Variants in CFAP161 observed in about 807,000 individuals in gnomAD.
CFAP161 encodes cilia- and flagella-associated protein 161.
Under a neutral mutation model 29.0 loss-of-function variants are expected in CFAP161, and 25 were observed. The observed-to-expected ratio is 0.86, with a 90% CI of 0.63 to 1.20. CFAP161 has a LOEUF of 1.20. Ranked by LOEUF, CFAP161 falls within the 50% of genes most tolerant of loss-of-function variation. CFAP161 has a pLI of 0.00. For missense variants in CFAP161, 367 were observed against 371.9 expected, an observed-to-expected ratio of 0.99 and a Z score of 0.11; for synonymous variants, 116 against 137.4, an observed-to-expected ratio of 0.84 and a Z score of 1.09.
rs745839156 is a variant in CFAP161 at position 81,136,693 on chromosome 15, C to G, written c.337C>G (p.Leu113Val). 1 of 1,614,062 alleles carries G rather than the reference C, an allele frequency of 6.2e-7. No individual in the cohort carries two copies. Among genetic ancestry groups the G allele is most frequent in the Non-Finnish European group, 8.5e-7 (1 of 1,180,014 alleles). ...AGACGAATTAGAGGTACCCTGTGGCCTGAGCGCAGTTCAAGCCAAGACCCC... is the reference window on the plus strand; with the variant it reads ...AGACGAATTAGAGGTACCCTGTGGCGTGAGCGCAGTTCAAGCCAAGACCCC... ...LKDELEVPCG[L>V]SAVQAKTPIG... Residue 113 changes from leucine (L) to valine (V), a missense_variant, in exon 3 of 7, where the codon CTG becomes GTG. Leu to Val is a conservative substitution (Grantham distance 32, BLOSUM62 1). Coordinates refer to ENST00000286732, the MANE Select transcript of CFAP161 (RefSeq NM_173528.4).
chr15:81,144,322 C>T (rs1426960034), intron 5 of CFAP161, among the ~76,000 whole-genome samples: 3 of 152,200 alleles, frequency 2.0e-5, no homozygotes, highest in Non-Finnish European at 4.4e-5. Context: ...AGCCCAGGTG[C>T]GGTGGCTCAC....
intron 1 of CFAP161, among the ~76,000 whole-genome samples, chr15:81,126,407 A>G (rs1266345172): frequency 6.6e-6 from 1 of 152,096 alleles, no homozygotes; most frequent in Non-Finnish European, 1.5e-5. Flanking sequence ...TTTATCTAGG[A>G]TTGGCTGAAT....
chr15:81,124,091 G>A (rs887165698), intron 1 of CFAP161, among the ~76,000 whole-genome samples: 3 of 152,304 alleles, frequency 2.0e-5, no homozygotes, highest in Admixed American at 1.3e-4. Context: ...TAGCAGTGGT[G>A]AGAGAGGATA....
chr15:81,137,574 G>GT (rs1894833567), intron 3 of CFAP161, among the ~76,000 whole-genome samples: 1 of 151,586 alleles, frequency 6.6e-6, no homozygotes, highest in Non-Finnish European at 1.5e-5. Flanking sequence ...CCAGCCTGGG[G>GT]GAAAAAAAAG....
intron 1 of CFAP161, among the ~76,000 whole-genome samples, chr15:81,126,305 GTT>G (rs1000593782): frequency 6.6e-6 from 1 of 152,150 alleles, no homozygotes; most frequent in Non-Finnish European, 1.5e-5. Context: ...GGGTAAAGCA[GTT>G]TCCATGTCAG....
chr15:81,118,108 C>T, intron 1 of CFAP161: 3 of 528,304 alleles, frequency 5.7e-6, no homozygotes, highest in Admixed American at 2.8e-5. Context: ...TTTTTTTCCA[C>T]TTAAGTTTAA....
upstream of CFAP161, among the ~76,000 whole-genome samples, chr15:81,133,156 A>G (rs1894734327): frequency 7.5e-6 from 1 of 133,534 alleles, no homozygotes; most frequent in African/African-American, 2.8e-5. Context: ...GGATCCTTCA[A>G]CTCCATGGCC....
intron 1 of CFAP161, among the ~76,000 whole-genome samples, chr15:81,119,047 TATGAAC>T (rs1192688162): frequency 6.6e-6 from 1 of 152,246 alleles, no homozygotes; most frequent in Non-Finnish European, 1.5e-5. Context: ...TTAGCAGTTT[TATGAAC>T]CCATTGGTTT....
At chr15:81,114,865 A>G (rs1017276406) in intron 1 of CFAP161, among the ~76,000 whole-genome samples, 4 of 152,074 alleles carry the variant, frequency 2.6e-5, no homozygotes, top group Non-Finnish European at 4.4e-5. Context: ...GGGTTTCACC[A>G]TGTTGGTCAG....
At chr15:81,143,629 T>C (rs1894952404) in intron 4 of CFAP161, 33 bp from the exon 5 acceptor site, 1 of 1,593,492 alleles carries the variant, frequency 6.3e-7, no homozygotes, top group African/African-American at 1.3e-5. Flanking sequence ...CACAGAGCTC[T>C]GACTTAGTGC....
chr15:81,107,843 A>C (rs1894392546), intron 1 of CFAP161, among the ~76,000 whole-genome samples: 1 of 152,244 alleles, frequency 6.6e-6, no homozygotes, highest in Non-Finnish European at 1.5e-5. Context: ...ACATGGTCTG[A>C]GACCCACAAA....
At chr15:81,148,243 G>T in intron 6 of CFAP161, 95 bp from the exon 7 acceptor site, 1 of 1,244,898 alleles carries the variant, frequency 8.0e-7, no homozygotes. Flanking sequence ...CTAGCAATCC[G>T]CTTCTTAAGG....
At chr15:81,122,495 C>CTTT (rs60283141) in intron 1 of CFAP161, among the ~76,000 whole-genome samples, 1 of 138,430 alleles carries the variant, frequency 7.2e-6, no homozygotes. Context: ...TTCTTTCTTT[C>CTTT]TTTTTTTTTT....
At chr15:81,142,931 A>T (rs1204833202) in intron 4 of CFAP161, among the ~76,000 whole-genome samples, 1 of 152,208 alleles carries the variant, frequency 6.6e-6, no homozygotes, top group East Asian at 1.9e-4. Context: ...GAAGGCTCAC[A>T]AATGAATATC....
chr15:81,145,773 A>G (rs758722731), intron 5 of CFAP161, among the ~76,000 whole-genome samples: 3 of 152,186 alleles, frequency 2.0e-5, no homozygotes, highest in African/African-American at 4.8e-5. Flanking sequence ...TACTTATTGC[A>G]GTGAGGGAGA....
At position 81,136,621 on chromosome 15, in the gene CFAP161, G is replaced by T; in HGVS notation, c.265G>T (p.Asp89Tyr). Residue 89 changes from aspartate (D) to tyrosine (Y), a missense_variant, in exon 3 of 7, where the codon GAC becomes TAC. Physicochemically the swap from Asp to Tyr is radical, Grantham distance 160. Coordinates refer to ENST00000286732, the MANE Select transcript of CFAP161 (RefSeq NM_173528.4). ...AGAAGCTGATGTGTTTCTGCGTGGG[G>T]ACCTGAGCCTGTGTATGACTCCAGA... Reference protein sequence around the residue: ...DTEADVFLRGDLSLCMTPDEI... With the variant: ...DTEADVFLRGYLSLCMTPDEI... 6.2e-7 allele frequency: 1 copy of T among 1,614,196 alleles called. No individual in the cohort carries two copies. Among genetic ancestry groups the T allele is most frequent in the Non-Finnish European group, 8.5e-7 (1 of 1,180,042 alleles).
At chr15:81,100,344 G>A (rs1292468399) in intron 1 of CFAP161, among the ~76,000 whole-genome samples, 3 of 151,134 alleles carry the variant, frequency 2.0e-5, no homozygotes, top group African/African-American at 4.8e-5. Flanking sequence ...TTATTTTGAC[G>A]TACAGATCAA....
chr15:81,125,293 C>T (rs1266296731), intron 1 of CFAP161, among the ~76,000 whole-genome samples: 2 of 151,958 alleles, frequency 1.3e-5, no homozygotes, highest in Non-Finnish European at 2.9e-5. Context: ...TAAATGCAAA[C>T]CTTAAAGTTA....
At chr15:81,122,706 G>C (rs762640577) in intron 1 of CFAP161, among the ~76,000 whole-genome samples, 1 of 151,858 alleles carries the variant, frequency 6.6e-6, no homozygotes, top group Non-Finnish European at 1.5e-5. Flanking sequence ...TGGCCAGGCT[G>C]GTCTCAAACT....
Sources: gnomAD v4.1 joint callset for allele counts (sites outside exome capture counted in the v4.1 genomes callset) on GRCh38, gnomAD v4.1.1 for gene constraint, MANE v1.5 for transcripts, NCBI Gene and HGNC (gene_info 2026-07-23, HGNC 2026-07-21) for gene names.